The following DDX46 variants were observed in gnomAD, a reference collection of about 807,000 sequenced individuals.
The protein encoded by DDX46 is DEAD-box helicase 46.
DDX46 carries 30 observed loss-of-function variants against 134.9 expected under a neutral mutation model. The observed-to-expected ratio is 0.22, with a 90% CI of 0.17 to 0.30. The LOEUF (loss-of-function observed/expected upper bound fraction) is 0.30. DDX46 is among the 10% of genes least tolerant of loss of function. The pLI, the probability that DDX46 is intolerant of heterozygous loss-of-function variation, is 1.00. For synonymous variants in DDX46, 415 were observed against 404.1 expected (o/e 1.03, Z -0.32); for missense variants, 622 against 1,248.7 (o/e 0.50, Z 7.56).
At chr5:134,785,880 G>A (rs1371034963) in intron 11 of DDX46, among the ~76,000 whole-genome samples, 2 of 150,216 alleles carry the variant, frequency 1.3e-5, no homozygotes, top group East Asian at 3.9e-4. Context: ...ATGGAGTCTC[G>A]CTCTGTCACA....
At chr5:134,822,439 C>T (rs1035628550) in intron 21 of DDX46, among the ~76,000 whole-genome samples, 1 of 151,958 alleles carries the variant, frequency 6.6e-6, no homozygotes, top group Non-Finnish European at 1.5e-5. Flanking sequence ...TTCAAGTGAT[C>T]CTCTATCCTT....
rs1387761866 is a variant in DDX46 at position 134,830,150 on chromosome 5, C to A, written c.*1444C>A. 2.5e-5 allele frequency: 3 copies of A among 121,636 alleles called. No homozygotes were observed. The highest frequency in any genetic ancestry group is 2.6e-4 in the South Asian group (1 of 3,812). 7.5% of individuals were successfully genotyped at this position (121,636 alleles called of 1,614,324 possible). A position where few individuals can be genotyped will look rare whatever the true frequency, so the allele number is the denominator to read the frequency against. ...AGGGTTTCAAACCCACAGATTAAACCAACCACAGATCAAAAATAGAAAAAA... is the reference window on the plus strand; with the variant it reads ...AGGGTTTCAAACCCACAGATTAAACAAACCACAGATCAAAAATAGAAAAAA... On this transcript the variant is annotated 3_prime_UTR_variant, in exon 23 of 23. Transcript: ENST00000452510.
rs189254962 is a variant in DDX46, at chr5:134,816,474, A to G, written c.2481A>G (p.Val827=). The G allele has an allele frequency of 6.2e-6, 10 of 1,613,088 alleles. No homozygotes were observed. Among genetic ancestry groups the G allele is most frequent in the Admixed American group, 1.7e-5 (1 of 59,784 alleles). ...IESMFNSKKR[V]KDMAAPGTSS... Reference sequence around the variant, plus strand: ...GCATGTTTAATTCAAAGAAGAGAGTAAAGGATATGGCTGCTCCTGGAACAT... The same window carrying G: ...GCATGTTTAATTCAAAGAAGAGAGTGAAGGATATGGCTGCTCCTGGAACAT... The change falls in exon 19 of 23, where the codon GTA becomes GTG. Residue 827 remains valine (V), a synonymous_variant. Transcript: ENST00000452510.
intron 1 of DDX46, 51 bp downstream of exon 1, chr5:134,759,006 T>C: frequency 6.2e-7 from 1 of 1,600,942 alleles, no homozygotes; most frequent in Admixed American, 1.7e-5. Flanking sequence ...CTTGGGGTCG[T>C]GAGAAGAGGC....
intron 21 of DDX46, among the ~76,000 whole-genome samples, chr5:134,820,750 C>T (rs1205165520): frequency 6.6e-6 from 1 of 152,096 alleles, no homozygotes; most frequent in African/African-American, 2.4e-5. Context: ...GAAACTTAAA[C>T]AGGATTCAGT....
At position 134,790,474 on chromosome 5, in the gene DDX46, G is replaced by T. The variant is rs372447062; in HGVS notation, c.1548G>T (p.Arg516=). The change falls in exon 13 of 23, where the codon CGG becomes CGT. Residue 516 remains arginine, a synonymous_variant. Transcript: ENST00000452510. ...MIDMLAANSG[R]VTNLRRVTYV... ...TTATTTTTCTTTTCATCTTAGGTCGGGTCACAAATCTTCGAAGAGTGACAT... is the reference window on the plus strand; with the variant it reads ...TTATTTTTCTTTTCATCTTAGGTCGTGTCACAAATCTTCGAAGAGTGACAT... 6.2e-7 allele frequency: 1 copy of T among 1,609,494 alleles called. No individual in the cohort carries two copies. The highest frequency in any genetic ancestry group is 1.1e-5 in the South Asian group (1 of 89,836).
rs377326564 is a variant in DDX46, at chr5:134,777,756, G to A, written c.765+31G>A. On this transcript the variant is annotated intron_variant, in intron 6 of 22. Coordinates refer to ENST00000452510, the MANE Select transcript of DDX46 (RefSeq NM_001300860.2). ...GAATTTCTTATTTTTAAAGATTTCC[G>A]TTTCCTCTTGGGTAACTTGAGTTCT... The A allele has an allele frequency of 2.6e-5, 41 of 1,580,174 alleles. No homozygotes were observed. The Middle Eastern group carries it at 6.8e-4, about 26-fold the overall frequency.
chr5:134,788,771 C>T (rs1754418030), intron 12 of DDX46, among the ~76,000 whole-genome samples, 180 bp downstream of exon 12: 1 of 151,954 alleles, frequency 6.6e-6, no homozygotes, highest in South Asian at 2.1e-4. Flanking sequence ...ATAGCTTGAA[C>T]CCGGGAGGCG....
intron 18 of DDX46, among the ~76,000 whole-genome samples, chr5:134,815,954 A>G (rs1474065738): frequency 2.6e-5 from 4 of 152,074 alleles, no homozygotes; most frequent in Non-Finnish European, 5.9e-5. Context: ...GGAACATGTT[A>G]TATCACTCCC....
intron 13 of DDX46, among the ~76,000 whole-genome samples, chr5:134,792,799 G>A (rs968505733): frequency 2.0e-5 from 3 of 152,190 alleles, no homozygotes; most frequent in African/African-American, 7.2e-5. Flanking sequence ...ATGTATGTGC[G>A]TATGTACATG....
At chr5:134,781,430 G>A (rs1053822710) in intron 7 of DDX46, among the ~76,000 whole-genome samples, 184 bp downstream of exon 7, 1 of 152,084 alleles carries the variant, frequency 6.6e-6, no homozygotes, top group Non-Finnish European at 1.5e-5. Flanking sequence ...GGAACATTCT[G>A]ATGTCTTCAT....
chr5:134,814,332 CTG>C (rs1299392715), intron 18 of DDX46, among the ~76,000 whole-genome samples: 1 of 152,100 alleles, frequency 6.6e-6, no homozygotes, highest in Non-Finnish European at 1.5e-5. Context: ...GTATTTTTAA[CTG>C]TTTTTTAAAA....
intron 4 of DDX46, among the ~76,000 whole-genome samples, chr5:134,772,088 A>G (rs891859143): frequency 2.0e-5 from 3 of 152,118 alleles, no homozygotes; most frequent in Non-Finnish European, 4.4e-5. Context: ...AAAATTAGCC[A>G]GGCGTGATGG....
At chr5:134,768,093 G>C (rs1753635441) in intron 3 of DDX46, among the ~76,000 whole-genome samples, 1 of 151,680 alleles carries the variant, frequency 6.6e-6, no homozygotes, top group African/African-American at 2.4e-5. Flanking sequence ...CAGAGGTGAT[G>C]ATGTAATAAG....
chr5:134,803,793 A>G (rs531499316), intron 15 of DDX46, among the ~76,000 whole-genome samples: 1 of 152,258 alleles, frequency 6.6e-6, no homozygotes, highest in Admixed American at 6.5e-5. Context: ...TTATATAGTA[A>G]GGAAGTTGTT....
intron 1 of DDX46, among the ~76,000 whole-genome samples, chr5:134,762,272 G>C (rs1266208735): frequency 6.7e-6 from 1 of 149,164 alleles, no homozygotes; most frequent in Non-Finnish European, 1.5e-5. Context: ...AAAAAAAATT[G>C]GTGGGCGCGG....
At chr5:134,806,564 T>C (rs1017729013) in intron 15 of DDX46, among the ~76,000 whole-genome samples, 2 of 152,244 alleles carry the variant, frequency 1.3e-5, no homozygotes, top group African/African-American at 4.8e-5. Flanking sequence ...TAAATTTTCT[T>C]AGGCAATTTT....
At chr5:134,791,431 G>A (rs1322463538) in intron 13 of DDX46, among the ~76,000 whole-genome samples, 1 of 152,096 alleles carries the variant, frequency 6.6e-6, no homozygotes, top group Non-Finnish European at 1.5e-5. Flanking sequence ...CTTGGTGGCA[G>A]GCGCCTGTAG....
chr5:134,795,214 T>G (rs544033025), intron 14 of DDX46, among the ~76,000 whole-genome samples, 200 bp downstream of exon 14: 6 of 143,646 alleles, frequency 4.2e-5, no homozygotes, highest in South Asian at 2.6e-4. Flanking sequence ...GTTTTTTTTT[T>G]TTTTTGTTTT....
Sources: allele counts gnomAD v4.1 joint callset (sites outside exome capture counted in the v4.1 genomes callset), GRCh38; gene constraint gnomAD v4.1.1; transcripts MANE v1.5; gene names NCBI Gene and HGNC (gene_info 2026-07-23, HGNC 2026-07-21).